Variants in KCNQ1OT1 observed in about 807,000 individuals in gnomAD.
KCNQ1OT1 encodes the protein KCNQ1 opposite strand/antisense transcript 1, also known as KCNQ1 antisense RNA 2 (non-protein coding).
At position 2,624,096 on chromosome 11, in the gene KCNQ1OT1, G is replaced by T; in HGVS notation, n.75899C>A. ...AAGTATTTGGTATTGTCAGTGTTTT[G>T]AATTTTGGCCATTCTAATAAGCGTG... On this transcript the variant is annotated non_coding_transcript_exon_variant, in exon 1 of 1. Transcript: ENST00000597346. This position sits in a 1 kb window ranked among gnomAD's most constrained non-coding sequence, Gnocchi z 4.9. 1 of 398,474 alleles carries T rather than the reference G, an allele frequency of 2.5e-6. No homozygotes were observed. Among genetic ancestry groups the T allele is most frequent in the South Asian group, 1.3e-4 (1 of 7,794 alleles). The allele number at this position is 398,474 out of a possible 1,614,324, so 24.7% of individuals were successfully genotyped here.
rs9666538 is a variant in KCNQ1OT1, at chr11:2,664,646, T to C, written n.35349A>G. ...GCCCATAATTAAATTCGGCTCCAGC[T>C]GCTCAGGGATGCAGCGAAGCTCCTG... On this transcript the variant is annotated non_coding_transcript_exon_variant, in exon 1 of 1. Transcript: ENST00000597346. This position sits in a 1 kb window ranked among gnomAD's most constrained non-coding sequence, Gnocchi z 5.1. 0.1 allele frequency: 40,077 copies of C among 398,666 alleles called. 2,136 individuals are homozygous for C. The highest frequency in any genetic ancestry group is 0.13 in the African/African-American group (6,487 of 48,712). 24.7% of individuals were successfully genotyped at this position (398,666 alleles called of 1,614,324 possible). A position where few individuals can be genotyped will look rare whatever the true frequency, so the allele number is the denominator to read the frequency against.
chr11:2,617,985 G>A lies in KCNQ1OT1; in HGVS notation n.82010C>T, dbSNP rs1849095916. ...AATATTTTCTTCTAGTCCATAGGTT[G>A]CCTTTTCCTTTTGTTGACTGTTTCC... is the stretch of plus-strand genomic sequence containing the variant. On this transcript the variant is annotated non_coding_transcript_exon_variant, in exon 1 of 1. Transcript: ENST00000597346. The surrounding 1 kb of genome is among the most constrained non-coding windows in gnomAD (Gnocchi z 4.6). 1 of 398,480 alleles carries A rather than the reference G, an allele frequency of 2.5e-6. No homozygotes were observed. Among genetic ancestry groups the A allele is most frequent in the Non-Finnish European group, 4.4e-6 (1 of 226,040 alleles). 24.7% of individuals were successfully genotyped at this position (398,480 alleles called of 1,614,324 possible). A position where few individuals can be genotyped will look rare whatever the true frequency, so the allele number is the denominator to read the frequency against.
chr11:2,619,024 A>G (rs1222865974), exon 1 of KCNQ1OT1: 1 of 398,258 alleles, frequency 2.5e-6, no homozygotes, highest in Non-Finnish European at 4.4e-6. Flanking sequence ...TATTGATTTT[A>G]TATCCTACAA....
exon 1 of KCNQ1OT1, chr11:2,697,637 T>C (rs1490687008): frequency 2.5e-6 from 1 of 398,452 alleles, no homozygotes; most frequent in African/African-American, 2.1e-5. Context: ...AACCATATGG[T>C]TTTTCTCCTG....
chr11:2,663,733 A>G lies in KCNQ1OT1; in HGVS notation n.36262T>C. ...GGTCTTGCAAGGCCCCTGCAGGTGA[A>G]GGTGGTGAGAGACCAGGCACTTATG... On this transcript the variant is annotated non_coding_transcript_exon_variant, in exon 1 of 1. Transcript: ENST00000597346. This position sits in a 1 kb window ranked among gnomAD's most constrained non-coding sequence, Gnocchi z 5.2. 2.5e-6 allele frequency: 1 copy of G among 398,706 alleles called. No individual in the cohort carries two copies. The highest frequency in any genetic ancestry group is 4.4e-6 in the Non-Finnish European group (1 of 226,110). 24.7% of individuals were successfully genotyped at this position (398,706 alleles called of 1,614,324 possible).
In KCNQ1OT1 at chr11:2,661,721, C is replaced by T. The variant is rs1849959321; in HGVS notation, n.38274G>A. 1.1e-5 allele frequency: 7 copies of T among 612,936 alleles called. No homozygotes were observed. In the Admixed American group the frequency reaches 1.3e-4, roughly 12 times the overall value. 38.0% of individuals were successfully genotyped at this position (612,936 alleles called of 1,614,324 possible). On this transcript the variant is annotated non_coding_transcript_exon_variant, in exon 1 of 1. Transcript: ENST00000597346. The surrounding 1 kb of genome is among the most constrained non-coding windows in gnomAD (Gnocchi z 5.9). ...CTGAGCACAGCCCCAGGCACAGTTA[C>T]CACTCCGAAGATGATTCACTGGCCT...
At position 2,617,476 on chromosome 11, in the gene KCNQ1OT1, C is replaced by T. The variant is rs140562266; in HGVS notation, n.82519G>A. On this transcript the variant is annotated non_coding_transcript_exon_variant, in exon 1 of 1. Transcript: ENST00000597346. This position sits in a 1 kb window ranked among gnomAD's most constrained non-coding sequence, Gnocchi z 4.6. ...CAGTTTAGTCATCCATCAATGGACA[C>T]GTAAGTTTTCATATCGTGACTCATG... The T allele has an allele frequency of 9.8e-3, 3,909 of 398,330 alleles. 27 individuals are homozygous for T. Among genetic ancestry groups the T allele is most frequent in the Middle Eastern group, 0.029 (46 of 1,586 alleles). 24.7% of individuals were successfully genotyped at this position (398,330 alleles called of 1,614,324 possible).
exon 1 of KCNQ1OT1, chr11:2,689,858 C>A: frequency 2.5e-6 from 1 of 398,840 alleles, no homozygotes; most frequent in East Asian, 3.6e-5. Flanking sequence ...CCACTTAGCA[C>A]CCACCCCTGC....
rs1849003730 is a variant in KCNQ1OT1 at position 2,612,886 on chromosome 11, T to C, written n.87109A>G. The C allele has an allele frequency of 2.5e-6, 1 of 398,510 alleles. No homozygotes were observed. Among genetic ancestry groups the C allele is most frequent in the Non-Finnish European group, 4.4e-6 (1 of 226,060 alleles). The allele number at this position is 398,510 out of a possible 1,614,324, so 24.7% of individuals were successfully genotyped here. On this transcript the variant is annotated non_coding_transcript_exon_variant, in exon 1 of 1. Coordinates refer to ENST00000597346, the Ensembl canonical transcript of KCNQ1OT1. This position sits in a 1 kb window ranked among gnomAD's most constrained non-coding sequence, Gnocchi z 5.5. ...AGTTCTTCTCCCTAACCAGGGATGA[T>C]TTCTGTTACTCATTTATTTGTTTGC...
In KCNQ1OT1 at chr11:2,632,256, T is replaced by A; in HGVS notation, n.67739A>T. ...CTTACTATCCTGCTACTTTGCTGAA[T>A]TAATTTATTCAGTTTTTGTGGTGAG... On this transcript the variant is annotated non_coding_transcript_exon_variant, in exon 1 of 1. Coordinates refer to ENST00000597346, the Ensembl canonical transcript of KCNQ1OT1. 3 of 397,910 alleles carry A rather than the reference T, an allele frequency of 7.5e-6. No individual in the cohort carries two copies. The East Asian group carries it at 1.1e-4, about 14-fold the overall frequency. 24.6% of individuals were successfully genotyped at this position (397,910 alleles called of 1,614,324 possible).
chr11:2,630,772 G>A (rs1302146253), exon 1 of KCNQ1OT1: 2 of 398,354 alleles, frequency 5.0e-6, no homozygotes, highest in Admixed American at 8.8e-5. Context: ...AAGAGTAGTT[G>A]CTGATAAACT....
chr11:2,688,418 C>A (rs1322279921), exon 1 of KCNQ1OT1: 2 of 398,678 alleles, frequency 5.0e-6, no homozygotes, highest in Non-Finnish European at 8.8e-6. Context: ...TGTGTAGGCA[C>A]TGGGCCCCAG....
exon 1 of KCNQ1OT1, chr11:2,650,190 T>C (rs1849735479): frequency 2.5e-6 from 1 of 398,444 alleles, no homozygotes; most frequent in African/African-American, 2.1e-5. Context: ...TAATGAATTG[T>C]TTTCCTGATA....
At chr11:2,693,035 C>G (rs1381182104) in exon 1 of KCNQ1OT1, 5 of 398,538 alleles carry the variant, frequency 1.3e-5, no homozygotes. Flanking sequence ...GAAGTCCTTT[C>G]TGGAGCAGGG....
In KCNQ1OT1 at chr11:2,620,948, G is replaced by T. The variant is rs1368900835; in HGVS notation, n.79047C>A. 1.4e-4 allele frequency: 53 copies of T among 386,612 alleles called. No homozygotes were observed. The highest frequency in any genetic ancestry group is 1.3e-3 in the Middle Eastern group (2 of 1,554). 23.9% of individuals were successfully genotyped at this position (386,612 alleles called of 1,614,324 possible). A position where few individuals can be genotyped will look rare whatever the true frequency, so the allele number is the denominator to read the frequency against. On this transcript the variant is annotated non_coding_transcript_exon_variant, in exon 1 of 1. Coordinates refer to ENST00000597346, the Ensembl canonical transcript of KCNQ1OT1. This position sits in a 1 kb window ranked among gnomAD's most constrained non-coding sequence, Gnocchi z 4.5. Reference sequence around the variant, plus strand: ...TTTTTTGTTGTTGTTGTTTTGTTTTGTTTTTTTTTGTCTGTTTTTTGCTTT... The same window carrying T: ...TTTTTTGTTGTTGTTGTTTTGTTTTTTTTTTTTTTGTCTGTTTTTTGCTTT...
exon 1 of KCNQ1OT1, chr11:2,656,819 A>G (rs944418610): frequency 3.3e-5 from 13 of 398,512 alleles, no homozygotes; most frequent in African/African-American, 2.5e-4. Context: ...TTCTATATTC[A>G]GTCATGTGAC....
At chr11:2,628,371 A>G (rs1218593441) in exon 1 of KCNQ1OT1, 11 of 398,290 alleles carry the variant, frequency 2.8e-5, no homozygotes, top group Non-Finnish European at 4.4e-5. Flanking sequence ...TTTCATTTGC[A>G]TTTCCCTGAT....
chr11:2,651,273 G>T lies in KCNQ1OT1; in HGVS notation n.48722C>A. 1 of 398,630 alleles carries T rather than the reference G, an allele frequency of 2.5e-6. No individual in the cohort carries two copies. Among genetic ancestry groups the T allele is most frequent in the Non-Finnish European group, 4.4e-6 (1 of 226,094 alleles). 24.7% of individuals were successfully genotyped at this position (398,630 alleles called of 1,614,324 possible). A position where few individuals can be genotyped will look rare whatever the true frequency, so the allele number is the denominator to read the frequency against. ...AATTAAGCTGTGCTGGTCACTTATT[G>T]AGAAAGAGCTTCATGGTGGGCAGCT... On this transcript the variant is annotated non_coding_transcript_exon_variant, in exon 1 of 1. Transcript: ENST00000597346. This position sits in a 1 kb window ranked among gnomAD's most constrained non-coding sequence, Gnocchi z 6.1.
rs978233389 is a variant in KCNQ1OT1 at position 2,657,117 on chromosome 11, G to A, written n.42878C>T. On this transcript the variant is annotated non_coding_transcript_exon_variant, in exon 1 of 1. Coordinates refer to ENST00000597346, the Ensembl canonical transcript of KCNQ1OT1. This position sits in a 1 kb window ranked among gnomAD's most constrained non-coding sequence, Gnocchi z 4.8. The stretch of plus-strand genomic sequence containing the variant: ...TGTGTCAATACCACATTGCCCTAAT[G>A]ACCACTGCCTTGGAAGAAGTACTGA... 1 of 398,450 alleles carries A rather than the reference G, an allele frequency of 2.5e-6. No individual in the cohort carries two copies. Among genetic ancestry groups the A allele is most frequent in the African/African-American group, 2.1e-5 (1 of 48,616 alleles). 24.7% of individuals were successfully genotyped at this position (398,450 alleles called of 1,614,324 possible). A position where few individuals can be genotyped will look rare whatever the true frequency, so the allele number is the denominator to read the frequency against.
Sources: allele counts gnomAD v4.1 joint callset, GRCh38; gene constraint gnomAD v4.1.1; non-coding constraint Gnocchi (gnomAD v3.1); transcripts MANE v1.5; gene names NCBI Gene and HGNC (gene_info 2026-07-23, HGNC 2026-07-21).